ADA2: variants seen among roughly 807,000 people sequenced by gnomAD.
ADA2 encodes the protein adenosine deaminase 2.
Under a neutral mutation model 44.2 loss-of-function variants are expected in ADA2, and 29 were observed. The ratio of observed to expected loss-of-function variants is 0.66; its 90% CI spans 0.49 to 0.89. ADA2 has a LOEUF of 0.89. Ranked by LOEUF, ADA2 falls within the 40% of genes least tolerant of loss-of-function variation. The probability of loss-of-function intolerance (pLI) is 0.00; values close to 1 mark genes in which losing one functional copy is unlikely to be tolerated. For missense variants in ADA2, 637 were observed against 644.8 expected, an observed-to-expected ratio of 0.99 and a Z score of 0.13; for synonymous variants, 215 against 234.9, an observed-to-expected ratio of 0.92 and a Z score of 0.77.
chr22:17,197,161 G>A (rs2062202291), intron 4 of ADA2, among the ~76,000 whole-genome samples: 1 of 152,154 alleles, frequency 6.6e-6, no homozygotes, highest in Non-Finnish European at 1.5e-5. Context: ...CGACAGATTG[G>A]TTCATGGGGA....
chr22:17,208,706 G>A (rs567696243), intron 2 of ADA2, among the ~76,000 whole-genome samples: 169 of 152,032 alleles, frequency 1.1e-3, no homozygotes, highest in Non-Finnish European at 2.0e-3. Flanking sequence ...AGGAGGCTGA[G>A]GCAGGAGAAT....
chr22:17,201,177 C>A (rs760819572), intron 4 of ADA2, among the ~76,000 whole-genome samples: 6 of 151,454 alleles, frequency 4.0e-5, no homozygotes, highest in Non-Finnish European at 1.5e-5. Flanking sequence ...CCACTACACT[C>A]CAGCCTGGGC....
chr22:17,220,304 G>A (rs1162793553), upstream of ADA2, among the ~76,000 whole-genome samples: 1 of 152,116 alleles, frequency 6.6e-6, no homozygotes, highest in East Asian at 1.9e-4. Context: ...CGCTCCAAGG[G>A]ACAAGTGGAG....
In ADA2 at chr22:17,183,363, G is replaced by A. The variant is rs1343397660; in HGVS notation, c.1082-602C>T. ...CTCCCAAAGTGCTGGGATTACAGGCGTGAGCCGCCGCACCTGGCCTGCAAA... is the reference window on the plus strand; with the variant it reads ...CTCCCAAAGTGCTGGGATTACAGGCATGAGCCGCCGCACCTGGCCTGCAAA... On this transcript the variant is annotated intron_variant, in intron 7 of 9. Transcript: ENST00000399837. 5.3e-5 allele frequency among the ~76,000 whole-genome samples: 8 copies of A among 151,664 alleles called. No individual in the cohort carries two copies. In the East Asian group the frequency reaches 7.8e-4, roughly 15 times the overall value.
intron 1 of ADA2, among the ~76,000 whole-genome samples, chr22:17,214,905 G>A (rs1416923317): frequency 6.6e-6 from 1 of 152,200 alleles, no homozygotes; most frequent in Non-Finnish European, 1.5e-5. Flanking sequence ...TCAGCTGGGG[G>A]CTCCTAGCAG....
At chr22:17,193,406 C>T (rs1034647626) in intron 4 of ADA2, 2 of 411,834 alleles carry the variant, frequency 4.9e-6, no homozygotes, top group African/African-American at 4.4e-5. Flanking sequence ...GTGGCTCACG[C>T]CTGTAATCCC....
chr22:17,213,528 G>C, intron 1 of ADA2: 1 of 288,682 alleles, frequency 3.5e-6, no homozygotes, highest in Non-Finnish European at 6.9e-6. Context: ...CTACGAGCAG[G>C]TACAAAAAGG....
At chr22:17,214,693 C>T (rs1455594575) in intron 1 of ADA2, among the ~76,000 whole-genome samples, 1 of 152,240 alleles carries the variant, frequency 6.6e-6, no homozygotes, top group African/African-American at 2.4e-5. Context: ...CCTCCTCAGC[C>T]ACTGGCCACT....
At chr22:17,208,481 G>T (rs562120137) in intron 2 of ADA2, among the ~76,000 whole-genome samples, 1 of 148,686 alleles carries the variant, frequency 6.7e-6, no homozygotes, top group Non-Finnish European at 1.5e-5. Flanking sequence ...TTTGTAAACT[G>T]CAAGCTGCTA....
intron 7 of ADA2, among the ~76,000 whole-genome samples, chr22:17,184,983 A>ATATATATATATATAT (rs559045610): frequency 1.3e-5 from 1 of 78,716 alleles, no homozygotes; most frequent in African/African-American, 5.6e-5. Context: ...CCCATGTCAA[A>ATATATATATATATAT]ATATATATAT....
chr22:17,191,974 C>CA (rs1441785313), intron 4 of ADA2, among the ~76,000 whole-genome samples, 164 bp from the exon 5 acceptor site: 4 of 151,272 alleles, frequency 2.6e-5, no homozygotes, highest in Middle Eastern at 3.4e-3. Context: ...CCTGCCCAGC[C>CA]ACCCTTGCCC....
intron 3 of ADA2, among the ~76,000 whole-genome samples, chr22:17,205,564 C>T (rs1253768640): frequency 2.0e-5 from 3 of 152,188 alleles, no homozygotes; most frequent in Admixed American, 6.6e-5. Flanking sequence ...GCTGTGTGTC[C>T]TTGCATAAGC....
intron 4 of ADA2, chr22:17,199,674 G>C: frequency 3.1e-6 from 5 of 1,601,286 alleles, no homozygotes; most frequent in Non-Finnish European, 3.4e-6. Flanking sequence ...AGCCCAGCGC[G>C]GTGAGGAAAG....
intron 4 of ADA2, among the ~76,000 whole-genome samples, chr22:17,201,031 G>A (rs2014714): frequency 0.081 from 12,283 of 151,898 alleles, 550 homozygotes; most frequent in Middle Eastern, 0.14. Flanking sequence ...CCAACATGGT[G>A]AAACCCCATT....
At chr22:17,195,116 A>C (rs144214749) in intron 4 of ADA2, among the ~76,000 whole-genome samples, 1 of 152,142 alleles carries the variant, frequency 6.6e-6, no homozygotes, top group Non-Finnish European at 1.5e-5. Flanking sequence ...TCATCTTGTC[A>C]CTTCTTCACA....
At position 17,179,234 on chromosome 22, in the gene ADA2, T is replaced by C. The variant is rs1289827546; in HGVS notation, c.*2249A>G. ...TGGACTCTGATCACATGAGGTCTTT[T>C]ATTTGGGGCGGCTCTGCTCTACTCC... On this transcript the variant is annotated 3_prime_UTR_variant, in exon 10 of 10. Coordinates refer to ENST00000399837, the MANE Select transcript of ADA2 (RefSeq NM_001282225.2). 2 of 152,352 alleles carry C rather than the reference T, an allele frequency of 1.3e-5. No homozygotes were observed. The highest frequency in any genetic ancestry group is 4.8e-5 in the African/African-American group (2 of 41,452). 9.4% of individuals were successfully genotyped at this position (152,352 alleles called of 1,614,324 possible).
At position 17,186,994 on chromosome 22, in the gene ADA2, G is replaced by A. The variant is rs144369935; in HGVS notation, c.1081+1345C>T. Among the ~76,000 whole-genome samples the A allele has an allele frequency of 9.7e-3, 1,475 of 151,606 alleles. 25 individuals are homozygous for A. The highest frequency in any genetic ancestry group is 0.034 in the African/African-American group (1,398 of 41,292). ...ATCCTGGCTAACACAGTGAAACCTCGTCTCTACTAAAAATACAAAAAATTA... is the reference window on the plus strand; with the variant it reads ...ATCCTGGCTAACACAGTGAAACCTCATCTCTACTAAAAATACAAAAAATTA... On this transcript the variant is annotated intron_variant, in intron 7 of 9. Coordinates refer to ENST00000399837, the MANE Select transcript of ADA2 (RefSeq NM_001282225.2).
chr22:17,214,059 A>AAAAAG (rs1568991742), intron 1 of ADA2: 3 of 486,412 alleles, frequency 6.2e-6, no homozygotes, highest in South Asian at 1.8e-5. Context: ...AAAAAAAAAA[A>AAAAAG]ATAGCATCCA....
At chr22:17,199,521 A>G (rs771408477) in intron 4 of ADA2, 4 of 1,576,394 alleles carry the variant, frequency 2.5e-6, no homozygotes, top group Non-Finnish European at 3.5e-6. Flanking sequence ...AGTTGTCAGG[A>G]TTTGCCCAAC....
Sources: gnomAD v4.1 joint callset for allele counts (sites outside exome capture counted in the v4.1 genomes callset) on GRCh38, gnomAD v4.1.1 for gene constraint, MANE v1.5 for transcripts, NCBI Gene and HGNC (gene_info 2026-07-23, HGNC 2026-07-21) for gene names.